Variants in TECPR2 observed in about 807,000 individuals in gnomAD.
The protein encoded by TECPR2 is tectonin beta-propeller repeat containing 2.
In TECPR2, 65 loss-of-function variants were observed where a neutral mutation model predicts 138.1. The ratio of observed to expected loss-of-function variants is 0.47; its 90% CI spans 0.39 to 0.58. The LOEUF (loss-of-function observed/expected upper bound fraction) is 0.58, where lower values mean the gene tolerates loss of function less well. Ranked by LOEUF, TECPR2 falls within the 20% of genes least tolerant of loss-of-function variation. The pLI is 0.00. For synonymous variants in TECPR2, 746 were observed against 749.8 expected, an observed-to-expected ratio of 0.99 and a Z score of 0.08; for missense variants, 1,553 against 1,824.5, an observed-to-expected ratio of 0.85 and a Z score of 2.71.
chr14:102,427,184 T>C (rs950651717), intron 6 of TECPR2, among the ~76,000 whole-genome samples: 2 of 152,216 alleles, frequency 1.3e-5, no homozygotes, highest in Admixed American at 1.3e-4. Flanking sequence ...AAAGGTATTT[T>C]TGCACCCTTT....
chr14:102,454,867 C>T (rs1374607022), intron 16 of TECPR2, among the ~76,000 whole-genome samples: 1 of 152,214 alleles, frequency 6.6e-6, no homozygotes, highest in Non-Finnish European at 1.5e-5. Flanking sequence ...GGCTGCTGCA[C>T]CGTGGTGGGA....
intron 1 of TECPR2, among the ~76,000 whole-genome samples, chr14:102,365,769 A>T (rs1159208206): frequency 1.3e-5 from 2 of 152,108 alleles, no homozygotes; most frequent in Non-Finnish European, 2.9e-5. Flanking sequence ...CAGTGTGTGG[A>T]TGGAAGAGTG....
intron 1 of TECPR2, among the ~76,000 whole-genome samples, chr14:102,363,319 C>T (rs1887235068): frequency 6.6e-6 from 1 of 152,214 alleles, no homozygotes; most frequent in Admixed American, 6.5e-5. Flanking sequence ...CACGGAGCGC[C>T]TGGCTCGCCG....
At chr14:102,397,494 C>G (rs1439321045) in intron 2 of TECPR2, among the ~76,000 whole-genome samples, 1 of 152,186 alleles carries the variant, frequency 6.6e-6, no homozygotes, top group African/African-American at 2.4e-5. Context: ...TGCCTGTAAA[C>G]CCAGCACTTG....
At chr14:102,433,769 G>A (rs545052433) in intron 8 of TECPR2, among the ~76,000 whole-genome samples, 10 of 152,150 alleles carry the variant, frequency 6.6e-5, no homozygotes, top group African/African-American at 2.2e-4. Context: ...TGGCCCACCC[G>A]CCTCGGCCTC....
rs1891405682 is a variant in TECPR2, at chr14:102,500,174, C to T, written c.*1917C>T. The T allele has an allele frequency of 6.6e-6, 1 of 152,556 alleles. No individual in the cohort carries two copies. Among genetic ancestry groups the T allele is most frequent in the African/African-American group, 2.4e-5 (1 of 41,450 alleles). The allele number at this position is 152,556 out of a possible 1,614,324, so 9.5% of individuals were successfully genotyped here. A position where few individuals can be genotyped will look rare whatever the true frequency, so the allele number is the denominator to read the frequency against. On this transcript the variant is annotated 3_prime_UTR_variant, in exon 20 of 20. Coordinates refer to ENST00000359520, the MANE Select transcript of TECPR2 (RefSeq NM_014844.5). ...TCAGTGCAATAAACTAGACTTTTTCCAAACCTGGCCGAGTGTGGTGCCTGA... is the reference window on the plus strand; with the variant it reads ...TCAGTGCAATAAACTAGACTTTTTCTAAACCTGGCCGAGTGTGGTGCCTGA...
At chr14:102,482,184 G>A (rs1375868952) in intron 17 of TECPR2, among the ~76,000 whole-genome samples, 1 of 152,118 alleles carries the variant, frequency 6.6e-6, no homozygotes, top group Non-Finnish European at 1.5e-5. Flanking sequence ...CTCCCGAGTA[G>A]CTGGGCTTAA....
In TECPR2 at chr14:102,452,429, C is replaced by T. The variant is rs1890167745; in HGVS notation, c.3442C>T (p.Leu1148=). The change falls in exon 16 of 20, where the codon CTG becomes TTG. Residue 1148 remains leucine (L), a synonymous_variant. Transcript: ENST00000359520. ...FLWLCQSSKD[L]CSVSAQSAQS... Reference sequence around the variant, plus strand: ...GTGGCTGTGCCAGAGCAGCAAGGACCTGTGCAGCGTCAGCGCCCAGAGCGC... The same window carrying T: ...GTGGCTGTGCCAGAGCAGCAAGGACTTGTGCAGCGTCAGCGCCCAGAGCGC... 1 of 1,612,666 alleles carries T rather than the reference C, an allele frequency of 6.2e-7. No homozygotes were observed. The highest frequency in any genetic ancestry group is 8.5e-7 in the Non-Finnish European group (1 of 1,179,000).
At chr14:102,411,620 C>T (rs1361272543) in intron 4 of TECPR2, among the ~76,000 whole-genome samples, 2 of 146,146 alleles carry the variant, frequency 1.4e-5, no homozygotes, top group African/African-American at 2.5e-5. Flanking sequence ...TAAAACGGCC[C>T]CACCCCTATC....
At chr14:102,410,671 G>T (rs1402342244) in intron 4 of TECPR2, among the ~76,000 whole-genome samples, 1 of 152,036 alleles carries the variant, frequency 6.6e-6, no homozygotes, top group Admixed American at 6.5e-5. Context: ...TCTCATTCCG[G>T]ACACTAGACC....
chr14:102,450,484 G>T (rs770977536), intron 14 of TECPR2, 76 bp from the exon 15 acceptor site: 1 of 1,442,588 alleles, frequency 6.9e-7, no homozygotes, highest in African/African-American at 1.4e-5. Flanking sequence ...GCCAGCTGTC[G>T]TCCAGAACTA....
chr14:102,430,176 G>A (rs375197608), intron 7 of TECPR2, among the ~76,000 whole-genome samples: 4 of 152,008 alleles, frequency 2.6e-5, no homozygotes, highest in African/African-American at 9.7e-5. Context: ...CATGCACCAT[G>A]TTACCCAGGC....
chr14:102,499,288 A>G lies in TECPR2; in HGVS notation c.*1031A>G. On this transcript the variant is annotated 3_prime_UTR_variant, in exon 20 of 20. Coordinates refer to ENST00000359520, the MANE Select transcript of TECPR2 (RefSeq NM_014844.5). ...TGGCGGACATCCTAAAACCAGATGC[A>G]TCCTCAGAGGACGAGTCTACTAATT... 1.6e-6 allele frequency: 1 copy of G among 636,278 alleles called. No homozygotes were observed. The highest frequency in any genetic ancestry group is 2.9e-6 in the Non-Finnish European group (1 of 347,132). The allele number at this position is 636,278 out of a possible 1,614,324, so 39.4% of individuals were successfully genotyped here.
At chr14:102,381,295 G>A (rs776914587) in intron 2 of TECPR2, among the ~76,000 whole-genome samples, 4 of 152,196 alleles carry the variant, frequency 2.6e-5, no homozygotes, top group African/African-American at 4.8e-5. Context: ...CTGAGAGGCC[G>A]GGCATGGTGG....
At chr14:102,421,587 C>G (rs1392693826) in intron 5 of TECPR2, among the ~76,000 whole-genome samples, 3 of 152,158 alleles carry the variant, frequency 2.0e-5, no homozygotes, top group Non-Finnish European at 4.4e-5. Context: ...AGTGTGGGAA[C>G]AGGCACAGCA....
At chr14:102,487,346 A>G (rs1377223006) in intron 17 of TECPR2, among the ~76,000 whole-genome samples, 1 of 152,180 alleles carries the variant, frequency 6.6e-6, no homozygotes, top group South Asian at 2.1e-4. Context: ...GTCTAGATAC[A>G]TGTTTCCTTT....
intron 2 of TECPR2, among the ~76,000 whole-genome samples, chr14:102,386,500 T>G (rs980138294): frequency 1.2e-4 from 18 of 151,866 alleles, no homozygotes; most frequent in Non-Finnish European, 2.5e-4. Flanking sequence ...ATTTTTTTTT[T>G]GGCAAGAATG....
chr14:102,439,311 C>G (rs578127009), intron 10 of TECPR2, among the ~76,000 whole-genome samples: 1 of 152,304 alleles, frequency 6.6e-6, no homozygotes, highest in East Asian at 1.9e-4. Flanking sequence ...TGGGACCTGT[C>G]TGTTCTCTGT....
intron 1 of TECPR2, among the ~76,000 whole-genome samples, chr14:102,365,468 A>G (rs1042097803): frequency 6.6e-6 from 1 of 152,108 alleles, no homozygotes; most frequent in Non-Finnish European, 1.5e-5. Flanking sequence ...GTGTGCAGGG[A>G]CTGTGATGGA....
Sources: allele counts gnomAD v4.1 joint callset (sites outside exome capture counted in the v4.1 genomes callset), GRCh38; gene constraint gnomAD v4.1.1; transcripts MANE v1.5; gene names NCBI Gene and HGNC (gene_info 2026-07-23, HGNC 2026-07-21).